The following ARHGEF9 variants were observed in gnomAD, a reference collection of about 807,000 sequenced individuals.
ARHGEF9 encodes the protein rho guanine nucleotide exchange factor 9.
In ARHGEF9, 2 loss-of-function variants were observed where a neutral mutation model predicts 41.3. That is an observed-to-expected ratio of 0.05 (90% CI 0.02 to 0.15). The LOEUF is 0.15. ARHGEF9 is among the 10% of genes least tolerant of loss of function. The pLI, the probability that ARHGEF9 is intolerant of heterozygous loss-of-function variation, is 1.00. For synonymous variants in ARHGEF9, 160 were observed against 154.4 expected (o/e 1.04, Z -0.27); for missense variants, 225 against 424.7 (o/e 0.53, Z 4.13).
intron 4 of ARHGEF9, among the ~76,000 whole-genome samples, chrX:63,680,303 G>A (rs1338898171): frequency 8.9e-6 from 1 of 111,989 alleles, no homozygotes; most frequent in Non-Finnish European, 1.9e-5. Context: ...TACACAAAAC[G>A]AGTAGGAAAA....
At chrX:63,755,066 C>T in intron 1 of ARHGEF9, 1 of 939,233 alleles carries the variant, frequency 1.1e-6, no homozygotes, top group Non-Finnish European at 1.3e-6. Context: ...GGGCTCCCGG[C>T]TGCCAGACAC....
chrX:63,673,716 C>T (rs1305433653), intron 6 of ARHGEF9, among the ~76,000 whole-genome samples: 17 of 111,171 alleles, frequency 1.5e-4, no homozygotes, highest in African/African-American at 5.6e-4. Flanking sequence ...TATTTCTTAT[C>T]TAAGTGTGAA....
chrX:63,709,785 C>T (rs1326043048), intron 2 of ARHGEF9, among the ~76,000 whole-genome samples: 3 of 111,837 alleles, frequency 2.7e-5, no homozygotes, highest in African/African-American at 9.8e-5. Flanking sequence ...CAAATATTCT[C>T]ATCTATGTCC....
At chrX:63,754,363 T>C (rs374347634) in intron 1 of ARHGEF9, 202 of 1,205,767 alleles carry the variant, frequency 1.7e-4, no homozygotes, top group Non-Finnish European at 2.2e-4. Flanking sequence ...CCCCCCTGAG[T>C]AAGAAAGCTT....
intron 2 of ARHGEF9, among the ~76,000 whole-genome samples, chrX:63,715,206 G>A (rs2053217889): frequency 8.9e-6 from 1 of 112,194 alleles, no homozygotes; most frequent in Non-Finnish European, 1.9e-5. Context: ...AGGTTAATTA[G>A]TTAAGTAGCC....
At chrX:63,763,982 C>G (rs192139741) in intron 1 of ARHGEF9, among the ~76,000 whole-genome samples, 1 of 111,626 alleles carries the variant, frequency 9.0e-6, no homozygotes, top group Non-Finnish European at 1.9e-5. Context: ...TTTGAAAGTA[C>G]TCTATGGAAT....
At chrX:63,699,369 C>T (rs1556392719) in intron 3 of ARHGEF9, among the ~76,000 whole-genome samples, 1 of 111,692 alleles carries the variant, frequency 9.0e-6, no homozygotes, top group Non-Finnish European at 1.9e-5. Context: ...TGCTGAGAAG[C>T]CAGTTCAGAA....
At chrX:63,669,462 T>A (rs1438211654) in intron 6 of ARHGEF9, among the ~76,000 whole-genome samples, 1 of 111,607 alleles carries the variant, frequency 9.0e-6, no homozygotes, top group Non-Finnish European at 1.9e-5. Context: ...TCAAAAACCC[T>A]CCAGTGGCTC....
intron 4 of ARHGEF9, among the ~76,000 whole-genome samples, chrX:63,686,201 T>C (rs1484430485): frequency 8.9e-6 from 1 of 111,828 alleles, no homozygotes; most frequent in African/African-American, 3.2e-5. Context: ...AAGAATGAAA[T>C]TATGTCATTT....
chrX:63,684,546 C>T (rs782550468), intron 4 of ARHGEF9, among the ~76,000 whole-genome samples: 1 of 110,962 alleles, frequency 9.0e-6, no homozygotes, highest in South Asian at 3.8e-4. Context: ...AAAGGAAATG[C>T]ACTCACTACC....
At chrX:63,675,188 A>T (rs2050183435) in intron 5 of ARHGEF9, among the ~76,000 whole-genome samples, 1 of 111,522 alleles carries the variant, frequency 9.0e-6, no homozygotes, top group Non-Finnish European at 1.9e-5. Flanking sequence ...CTTCTTTTAC[A>T]TGAGAGACAA....
At chrX:63,722,160 G>A (rs2053667453) in intron 2 of ARHGEF9, among the ~76,000 whole-genome samples, 1 of 111,961 alleles carries the variant, frequency 8.9e-6, no homozygotes, top group Non-Finnish European at 1.9e-5. Context: ...ACTGAGGCAA[G>A]CATCTGGGTT....
chrX:63,779,589 G>C (rs1226564251), intron 1 of ARHGEF9, among the ~76,000 whole-genome samples: 2 of 111,719 alleles, frequency 1.8e-5, no homozygotes, highest in Non-Finnish European at 3.8e-5. Context: ...GACTGGGGTG[G>C]GGACACAGCA....
chrX:63,704,164 A>G (rs1556398876), intron 3 of ARHGEF9, among the ~76,000 whole-genome samples: 1 of 112,049 alleles, frequency 8.9e-6, no homozygotes, highest in East Asian at 2.8e-4. Flanking sequence ...AGATCTTGAC[A>G]GCATCCCTCA....
In ARHGEF9 at chrX:63,638,129, C is replaced by T. The variant is rs782577519; in HGVS notation, c.1471G>A (p.Asp491Asn). The T allele has an allele frequency of 2.2e-5, 26 of 1,204,435 alleles. No homozygotes were observed. The Admixed American group carries it at 3.3e-4, about 15-fold the overall frequency. ...AAGACCTGCGACTGAGCGATGCCGTCGGGGACCAGGTACTGGCCGTGGTTT... is the reference window on the plus strand; with the variant it reads ...AAGACCTGCGACTGAGCGATGCCGTTGGGGACCAGGTACTGGCCGTGGTTT... ...PLNHGQYLVP[D>N]GIAQSQVFEF... is the part of the protein sequence containing the mutation. Residue 491 changes from aspartate (D) to asparagine (N), a missense_variant, in exon 10 of 10, where the codon GAC becomes AAC. Asp to Asn is a conservative substitution (Grantham distance 23). Transcript: ENST00000671741.
intron 1 of ARHGEF9, chrX:63,754,424 G>A: frequency 8.6e-7 from 1 of 1,164,612 alleles, no homozygotes; most frequent in African/African-American, 1.9e-5. Context: ...TTTTTTTCTC[G>A]GTGGCTCTCG....
Position 63,687,082 on chromosome X carries a change from T to G in ARHGEF9, c.583-8510A>C, listed in dbSNP as rs782640266. Reference sequence around the variant, plus strand: ...TGGGGGTGGGGTTAGCAACACCCAGTGCATGAAACTCCAGCTTCCCTTCAT... The same window carrying G: ...TGGGGGTGGGGTTAGCAACACCCAGGGCATGAAACTCCAGCTTCCCTTCAT... On this transcript the variant is annotated intron_variant, in intron 4 of 9. Transcript: ENST00000671741. Among the ~76,000 whole-genome samples, 10 of 110,774 alleles carry G rather than the reference T, an allele frequency of 9.0e-5. No homozygotes were observed. In the East Asian group the frequency reaches 2.9e-3, roughly 32 times the overall value.
rs782403594 is a variant in ARHGEF9 at position 63,637,650 on chromosome X, G to A, written c.*378C>T. On this transcript the variant is annotated 3_prime_UTR_variant, in exon 10 of 10. Transcript: ENST00000671741. Reference sequence around the variant, plus strand: ...ACAAGGCAGTGAATCACTCACAGGGGAGTAAAGAGATTATCTTAACAAGAA... The same window carrying A: ...ACAAGGCAGTGAATCACTCACAGGGAAGTAAAGAGATTATCTTAACAAGAA... The A allele has an allele frequency of 2.5e-5, 5 of 202,283 alleles. No homozygotes were observed. In the South Asian group the frequency reaches 1.2e-3, roughly 48 times the overall value. 16.7% of individuals were successfully genotyped at this position (202,283 alleles called of 1,213,427 possible).
chrX:63,637,773 T>G lies in ARHGEF9; in HGVS notation c.*255A>C. Reference sequence around the variant, plus strand: ...GACGGAATCACATGTTTGGAAGTCATTGGTACCTCTTCCTACCAACCACAT... The same window carrying G: ...GACGGAATCACATGTTTGGAAGTCAGTGGTACCTCTTCCTACCAACCACAT... On this transcript the variant is annotated 3_prime_UTR_variant, in exon 10 of 10. Coordinates refer to ENST00000671741, the MANE Select transcript of ARHGEF9 (RefSeq NM_001353921.2). The G allele has an allele frequency of 3.6e-6, 1 of 278,305 alleles. No homozygotes were observed. Among genetic ancestry groups the G allele is most frequent in the African/African-American group, 2.7e-5 (1 of 36,493 alleles). 22.9% of individuals were successfully genotyped at this position (278,305 alleles called of 1,213,427 possible).
Sources: gnomAD v4.1 joint callset for allele counts (sites outside exome capture counted in the v4.1 genomes callset) on GRCh38, gnomAD v4.1.1 for gene constraint, MANE v1.5 for transcripts, NCBI Gene and HGNC (gene_info 2026-07-23, HGNC 2026-07-21) for gene names.